TGFB2: variants seen among roughly 807,000 people sequenced by gnomAD.
The protein encoded by TGFB2 is transforming growth factor beta 2.
TGFB2 carries 13 observed loss-of-function variants against 42.7 expected under a neutral mutation model. The observed-to-expected ratio is 0.30, with a 90% confidence interval of 0.20 to 0.48. The LOEUF is 0.48. Among genes scored for constraint, TGFB2 ranks in the 20% least tolerant of loss-of-function variants. The pLI is 0.99. For synonymous variants in TGFB2, 193 were observed against 193.6 expected, an observed-to-expected ratio of 1.00 and a Z score of 0.03; for missense variants, 390 against 517.5, an observed-to-expected ratio of 0.75 and a Z score of 2.39.
At chr1:218,386,633 GGTTT>G (rs1415692268) in intron 1 of TGFB2, among the ~76,000 whole-genome samples, 1 of 152,098 alleles carries the variant, frequency 6.6e-6, no homozygotes, top group Non-Finnish European at 1.5e-5. Context: ...GGGCCATTCT[GGTTT>G]GTTTGATTCT....
intron 1 of TGFB2, chr1:218,363,200 A>T: frequency 1.4e-6 from 1 of 719,942 alleles, no homozygotes; most frequent in Non-Finnish European, 2.4e-6. Flanking sequence ...GGCCCCAGGT[A>T]GCAGGGACCT....
intron 1 of TGFB2, among the ~76,000 whole-genome samples, chr1:218,402,786 T>C (rs773725203): frequency 1.7e-4 from 26 of 152,222 alleles, no homozygotes; most frequent in Non-Finnish European, 3.4e-4. Flanking sequence ...AGGATGCTCC[T>C]TCAAAGGATG....
intron 2 of TGFB2, among the ~76,000 whole-genome samples, chr1:218,422,919 G>T (rs1032452326): frequency 6.6e-6 from 1 of 152,106 alleles, no homozygotes. Context: ...CATACAAGAT[G>T]CTCGGCAATG....
At chr1:218,423,914 A>G (rs547527280) in intron 2 of TGFB2, among the ~76,000 whole-genome samples, 3 of 152,250 alleles carry the variant, frequency 2.0e-5, no homozygotes, top group Non-Finnish European at 2.9e-5. Context: ...TTATAGATCC[A>G]GTAAGCCATA....
At chr1:218,411,935 A>G (rs1302527923) in intron 2 of TGFB2, among the ~76,000 whole-genome samples, 2 of 152,156 alleles carry the variant, frequency 1.3e-5, no homozygotes, top group Non-Finnish European at 2.9e-5. Flanking sequence ...TATTAATCAA[A>G]TGAACTACAG....
At chr1:218,388,472 C>T (rs1313211460) in intron 1 of TGFB2, among the ~76,000 whole-genome samples, 1 of 152,194 alleles carries the variant, frequency 6.6e-6, no homozygotes, top group Non-Finnish European at 1.5e-5. Flanking sequence ...CTGAGGTGGA[C>T]CCGTGGCCCC....
chr1:218,384,578 G>T (rs74143055), intron 1 of TGFB2, among the ~76,000 whole-genome samples: 7,407 of 152,212 alleles, frequency 0.049, 208 homozygotes, highest in Middle Eastern at 0.082. Context: ...TATCTACCTC[G>T]CAGAGTTCTT....
chr1:218,348,939 A>G (rs10482727), intron 1 of TGFB2, among the ~76,000 whole-genome samples: 6,285 of 152,254 alleles, frequency 0.041, 444 homozygotes, highest in African/African-American at 0.14. Flanking sequence ...CCAAGAGGGC[A>G]TTAGTTCTTT....
chr1:218,388,218 G>A (rs1658200045), intron 1 of TGFB2, among the ~76,000 whole-genome samples: 1 of 152,166 alleles, frequency 6.6e-6, no homozygotes, highest in Admixed American at 6.5e-5. Flanking sequence ...GAAGCAAAGG[G>A]ATCAACTGGA....
intron 1 of TGFB2, among the ~76,000 whole-genome samples, chr1:218,379,228 G>T (rs139371558): frequency 1.3e-5 from 2 of 150,970 alleles, no homozygotes; most frequent in Non-Finnish European, 3.0e-5. Flanking sequence ...CGCCTCCCGG[G>T]TTCACGCCAT....
chr1:218,417,932 G>A (rs1337615801), intron 2 of TGFB2, among the ~76,000 whole-genome samples: 2 of 152,260 alleles, frequency 1.3e-5, no homozygotes, highest in Non-Finnish European at 2.9e-5. Flanking sequence ...CAGAAGATGT[G>A]TGGAAATGCC....
chr1:218,440,996 C>T (rs1164954546), intron 6 of TGFB2, among the ~76,000 whole-genome samples: 5 of 152,122 alleles, frequency 3.3e-5, no homozygotes, highest in South Asian at 4.1e-4. Flanking sequence ...GTGTGGAAAA[C>T]GAGTTCCGTG....
intron 2 of TGFB2, among the ~76,000 whole-genome samples, chr1:218,431,773 C>T (rs1440257023): frequency 6.6e-6 from 1 of 152,176 alleles, no homozygotes; most frequent in African/African-American, 2.4e-5. Context: ...ATCAGAATGC[C>T]TGAAAACTGC....
chr1:218,369,052 C>T (rs1273635401), intron 1 of TGFB2, among the ~76,000 whole-genome samples: 5 of 151,634 alleles, frequency 3.3e-5, no homozygotes, highest in African/African-American at 9.7e-5. Context: ...GTCAAGAGAT[C>T]GAGACCATCC....
chr1:218,383,600 A>T (rs950098908), intron 1 of TGFB2, among the ~76,000 whole-genome samples: 15 of 152,176 alleles, frequency 9.9e-5, no homozygotes, highest in African/African-American at 3.1e-4. Flanking sequence ...GTGGCTTCAC[A>T]GGCAGAAAGT....
chr1:218,417,967 G>A (rs1237190216), intron 2 of TGFB2, among the ~76,000 whole-genome samples: 1 of 152,228 alleles, frequency 6.6e-6, no homozygotes, highest in Non-Finnish European at 1.5e-5. Context: ...GAAGTTTGCT[G>A]TAGGGGCAGG....
chr1:218,390,760 C>T (rs1658294196), intron 1 of TGFB2, among the ~76,000 whole-genome samples: 2 of 152,172 alleles, frequency 1.3e-5, no homozygotes, highest in Non-Finnish European at 2.9e-5. Flanking sequence ...AAGCATAACA[C>T]CCTTGGCTCC....
chr1:218,359,762 T>C (rs1386123377), intron 1 of TGFB2, among the ~76,000 whole-genome samples: 2 of 152,178 alleles, frequency 1.3e-5, no homozygotes, highest in Non-Finnish European at 2.9e-5. Flanking sequence ...AGAGATGCAT[T>C]GTTTGTTTGT....
intron 2 of TGFB2, among the ~76,000 whole-genome samples, chr1:218,425,190 T>TTTTG (rs376036968): frequency 2.0e-3 from 300 of 152,186 alleles, no homozygotes; most frequent in African/African-American, 6.1e-3. Context: ...GGCTTCCGTT[T>TTTTG]TTTGTTTGTT....
Sources: gnomAD v4.1 joint callset for allele counts (sites outside exome capture counted in the v4.1 genomes callset) on GRCh38, gnomAD v4.1.1 for gene constraint, MANE v1.5 for transcripts, NCBI Gene and HGNC (gene_info 2026-07-23, HGNC 2026-07-21) for gene names.